USP34: variants seen among roughly 807,000 people sequenced by gnomAD.
The protein encoded by USP34 is ubiquitin specific peptidase 34, also known as ubiquitin carboxyl-terminal hydrolase 34.
A neutral mutation model predicts 460.3 loss-of-function variants in USP34; 70 were observed. The observed-to-expected ratio is 0.15, with a 90% CI of 0.13 to 0.19. The LOEUF is 0.19. USP34 is among the 10% of genes least tolerant of loss of function. USP34 has a pLI of 1.00. For missense variants in USP34, 3,985 were observed against 4,236.2 expected (o/e 0.94, Z 1.65); for synonymous variants, 1,647 against 1,405.3 (o/e 1.17, Z -3.85).
chr2:61,204,395 G>A lies in USP34; in HGVS notation c.9260-15C>T. On this transcript the variant is annotated splice_polypyrimidine_tract_variant and intron_variant, in intron 73 of 79. Transcript: ENST00000398571. ...TCCAAGAGACACTAAGATATTAAAA[G>A]TGTACAGTAAGAATAAATGGAAAAA... 2 of 1,614,020 alleles carry A rather than the reference G, an allele frequency of 1.2e-6. No individual in the cohort carries two copies. The highest frequency in any genetic ancestry group is 8.5e-7 in the Non-Finnish European group (1 of 1,179,970).
chr2:61,374,766 G>A (rs1015380247), intron 8 of USP34, among the ~76,000 whole-genome samples: 8 of 151,958 alleles, frequency 5.3e-5, no homozygotes, highest in Non-Finnish European at 1.0e-4. Context: ...ACGGGGTTTC[G>A]CCATGTTGCC....
At chr2:61,359,340 G>C (rs1692204940) in intron 10 of USP34, among the ~76,000 whole-genome samples, 1 of 152,072 alleles carries the variant, frequency 6.6e-6, no homozygotes. Context: ...CATTTAATGG[G>C]GGAAGGACAG....
intron 43 of USP34, among the ~76,000 whole-genome samples, chr2:61,262,088 C>CAAAAAAAAAAAAAAAA (rs61651654): frequency 2.1e-5 from 1 of 46,826 alleles, no homozygotes; most frequent in Non-Finnish European, 3.5e-5. Context: ...AAGACTTCGT[C>CAAAAAAAAAAAAAAAA]AAAAAAAAAA....
At chr2:61,420,646 T>C (rs1263827104) in intron 2 of USP34, 100 bp downstream of exon 2, 3 of 662,428 alleles carry the variant, frequency 4.5e-6, no homozygotes, top group Non-Finnish European at 7.6e-6. Context: ...TAACTAATGG[T>C]ATCTAACCCA....
At chr2:61,341,552 T>C (rs960608451) in intron 16 of USP34, among the ~76,000 whole-genome samples, 6 of 151,968 alleles carry the variant, frequency 3.9e-5, no homozygotes, top group Non-Finnish European at 5.9e-5. Context: ...TCTGGTTGTT[T>C]AGAAGAGAGT....
intron 3 of USP34, among the ~76,000 whole-genome samples, chr2:61,400,667 G>A (rs1693689938): frequency 6.6e-6 from 1 of 151,966 alleles, no homozygotes; most frequent in East Asian, 1.9e-4. Context: ...CCAGGAAACA[G>A]AGCAAGACCC....
chr2:61,219,085 T>A (rs1171114562), intron 67 of USP34, among the ~76,000 whole-genome samples: 1 of 152,272 alleles, frequency 6.6e-6, no homozygotes, highest in Non-Finnish European at 1.5e-5. Flanking sequence ...ATTTATTCAA[T>A]CATTTATTTC....
intron 1 of USP34, among the ~76,000 whole-genome samples, chr2:61,437,479 G>A (rs981056539): frequency 6.6e-6 from 1 of 152,004 alleles, no homozygotes; most frequent in Non-Finnish European, 1.5e-5. Context: ...GAACCAATAA[G>A]AAATAAAAAA....
intron 53 of USP34, among the ~76,000 whole-genome samples, chr2:61,240,672 C>G (rs570681386): frequency 6.6e-6 from 1 of 151,668 alleles, no homozygotes; most frequent in Admixed American, 6.6e-5. Flanking sequence ...CTCTCAGGTT[C>G]AAGGGCTTCT....
Position 61,228,695 on chromosome 2 carries a change from C to T in USP34, c.7393G>A (p.Ala2465Thr). 6.2e-7 allele frequency: 1 copy of T among 1,611,190 alleles called. No homozygotes were observed. The highest frequency in any genetic ancestry group is 8.5e-7 in the Non-Finnish European group (1 of 1,179,066). Residue 2465 changes from alanine to threonine, a missense_variant, in exon 61 of 80, where the codon GCT becomes ACT. Ala to Thr is a moderately conservative substitution (Grantham distance 58). Around this residue, in one of 14 missense-constraint regions of USP34, gnomAD observed 604 missense variants for 684.8 expected, o/e 0.88. Coordinates refer to ENST00000398571, the MANE Select transcript of USP34 (RefSeq NM_014709.4). Reference sequence around the variant, plus strand: ...TAAAAATGTACCATTGTAGATATAGCTTGCAATGAAAGCAAAAATTGGCTC... The same window carrying T: ...TAAAAATGTACCATTGTAGATATAGTTTGCAATGAAAGCAAAAATTGGCTC... ...EESQFLLSLQAISTMVHFYMG... is the reference protein window; with the variant it reads ...EESQFLLSLQTISTMVHFYMG...
chr2:61,331,533 T>C (rs184277093), intron 19 of USP34, among the ~76,000 whole-genome samples, 162 bp from the exon 20 acceptor site: 15 of 152,180 alleles, frequency 9.9e-5, no homozygotes, highest in Admixed American at 2.0e-4. Context: ...TGAAAAGATA[T>C]AAAGCAATGT....
intron 21 of USP34, among the ~76,000 whole-genome samples, chr2:61,323,380 G>A (rs1410700740): frequency 6.6e-6 from 1 of 152,068 alleles, no homozygotes; most frequent in Non-Finnish European, 1.5e-5. Context: ...TGGGTGTGGT[G>A]GTGGGCGCCT....
intron 66 of USP34, among the ~76,000 whole-genome samples, chr2:61,220,852 T>G (rs918694354): frequency 1.2e-4 from 19 of 152,216 alleles, no homozygotes; most frequent in Admixed American, 9.8e-4. Flanking sequence ...GCTGTACTGC[T>G]GTGGAGAGTT....
At chr2:61,335,458 A>G (rs183081905) in intron 18 of USP34, among the ~76,000 whole-genome samples, 2 of 152,356 alleles carry the variant, frequency 1.3e-5, no homozygotes, top group African/African-American at 4.8e-5. Context: ...GGCAACCACA[A>G]AGGCTCAATG....
At chr2:61,460,994 GAAA>G (rs1005094361) in intron 1 of USP34, among the ~76,000 whole-genome samples, 1 of 135,684 alleles carries the variant, frequency 7.4e-6, no homozygotes, top group Non-Finnish European at 1.6e-5. Flanking sequence ...AAAAAAAAAA[GAAA>G]AAAAAAACAG....
chr2:61,310,306 T>A (rs551293547), intron 27 of USP34, among the ~76,000 whole-genome samples: 2 of 151,964 alleles, frequency 1.3e-5, no homozygotes, highest in Non-Finnish European at 2.9e-5. Context: ...CTCTGTCACA[T>A]TGTTTGTAAT....
chr2:61,265,198 T>C (rs1558498938), intron 43 of USP34, 199 bp downstream of exon 43: 1 of 571,782 alleles, frequency 1.7e-6, no homozygotes, highest in East Asian at 3.2e-5. Flanking sequence ...CTTTGAGAAC[T>C]AAACTGTACT....
At position 61,295,159 on chromosome 2, in the gene USP34, T is replaced by C. The variant is rs759569999; in HGVS notation, c.4377+9A>G. On this transcript the variant is annotated intron_variant, in intron 31 of 79. Transcript: ENST00000398571. ...AAACATTTAATGATAATAATGGAAA[T>C]GCAATTACCGTAGACTCCCTCCTTA... The C allele has an allele frequency of 3.7e-6, 6 of 1,604,080 alleles. No individual in the cohort carries two copies. In the South Asian group the frequency reaches 5.7e-5, roughly 15 times the overall value.
rs549157350 is a variant in USP34 at position 61,471,040 on chromosome 2, G to A, written c.-348C>T. 8.3e-6 allele frequency: 2 copies of A among 240,118 alleles called. No individual in the cohort carries two copies. The highest frequency in any genetic ancestry group is 7.8e-5 in the East Asian group (1 of 12,850). 14.9% of individuals were successfully genotyped at this position (240,118 alleles called of 1,614,324 possible). On this transcript the variant is annotated 5_prime_UTR_variant, in exon 1 of 80. Coordinates refer to ENST00000398571, the MANE Select transcript of USP34 (RefSeq NM_014709.4). ...AGAGTCACTTCACCGACCAGACGCC[G>A]CGGCCACCGCCGACGCCGCCGCCAT... is the stretch of plus-strand genomic sequence containing the variant.
Sources: allele counts gnomAD v4.1 joint callset (sites outside exome capture counted in the v4.1 genomes callset), GRCh38; gene constraint gnomAD v4.1.1; regional missense constraint gnomAD v4.1.1; transcripts MANE v1.5; gene names NCBI Gene and HGNC (gene_info 2026-07-23, HGNC 2026-07-21).